Variants in KSR2 observed in about 807,000 individuals in gnomAD.
KSR2 encodes the protein kinase suppressor of ras 2.
Under a neutral mutation model 107.8 loss-of-function variants are expected in KSR2, and 25 were observed. The ratio of observed to expected loss-of-function variants is 0.23; its 90% confidence interval spans 0.17 to 0.32. The LOEUF (loss-of-function observed/expected upper bound fraction) is 0.32. KSR2 is among the 10% of genes least tolerant of loss of function. The pLI is 1.00. For synonymous variants in KSR2, 480 were observed against 507.0 expected (o/e 0.95, Z 0.71); for missense variants, 887 against 1,268.9 (o/e 0.70, Z 4.57).
At chr12:117,581,864 A>G (rs1879684011) in intron 6 of KSR2, among the ~76,000 whole-genome samples, 1 of 152,052 alleles carries the variant, frequency 6.6e-6, no homozygotes, top group African/African-American at 2.4e-5. Context: ...TCAGAATGAT[A>G]CTGTTTATTA....
chr12:117,523,839 G>A (rs1231930858), intron 14 of KSR2, among the ~76,000 whole-genome samples: 1 of 152,160 alleles, frequency 6.6e-6, no homozygotes, highest in African/African-American at 2.4e-5. Context: ...AGGCATGGTG[G>A]CACATGCCTG....
At chr12:117,473,618 C>G (rs1871609627) in intron 17 of KSR2, among the ~76,000 whole-genome samples, 1 of 152,228 alleles carries the variant, frequency 6.6e-6, no homozygotes, top group South Asian at 2.1e-4. Flanking sequence ...ATCCACCACT[C>G]ATGTGAAACG....
intron 14 of KSR2, among the ~76,000 whole-genome samples, chr12:117,492,839 C>T (rs1005368617): frequency 6.6e-5 from 10 of 152,036 alleles, no homozygotes; most frequent in African/African-American, 1.5e-4. Context: ...AACCCACCAT[C>T]GCTGACTTTG....
chr12:117,901,963 C>T (rs1383771576), intron 1 of KSR2, among the ~76,000 whole-genome samples: 1 of 152,118 alleles, frequency 6.6e-6, no homozygotes, highest in Middle Eastern at 3.2e-3. Flanking sequence ...TCTTTGGCCT[C>T]GTGATCCAAT....
chr12:117,837,177 C>T (rs1348494535), intron 3 of KSR2, among the ~76,000 whole-genome samples: 1 of 152,114 alleles, frequency 6.6e-6, no homozygotes, highest in East Asian at 1.9e-4. Context: ...CCCAGGGTCT[C>T]CCCTGGCTTC....
At chr12:117,755,492 G>A (rs911019326) in intron 4 of KSR2, among the ~76,000 whole-genome samples, 7 of 152,106 alleles carry the variant, frequency 4.6e-5, no homozygotes, top group Non-Finnish European at 8.8e-5. Flanking sequence ...GTTTTGGGGT[G>A]CCACAAACCG....
At chr12:117,556,491 A>T (rs920448846) in intron 8 of KSR2, among the ~76,000 whole-genome samples, 1 of 152,132 alleles carries the variant, frequency 6.6e-6, no homozygotes, top group Non-Finnish European at 1.5e-5. Flanking sequence ...AAGAGAAGGG[A>T]GCTGAAGACT....
chr12:117,803,974 AACAAACT>A (rs958543758), intron 3 of KSR2, among the ~76,000 whole-genome samples: 22 of 152,322 alleles, frequency 1.4e-4, no homozygotes, highest in African/African-American at 5.1e-4. Flanking sequence ...ATAAGGGGTT[AACAAACT>A]ATAGTCCATG....
At chr12:117,856,036 C>G (rs1295752969) in intron 2 of KSR2, among the ~76,000 whole-genome samples, 1 of 152,150 alleles carries the variant, frequency 6.6e-6, no homozygotes, top group Non-Finnish European at 1.5e-5. Flanking sequence ...CCCACTCTCT[C>G]TCTGCTTCCT....
At chr12:117,667,352 C>A in intron 5 of KSR2, 122 bp downstream of exon 5, 1 of 924,334 alleles carries the variant, frequency 1.1e-6, no homozygotes, top group Non-Finnish European at 1.7e-6. Flanking sequence ...CTACAGTGAG[C>A]ATTTCACAAG....
intron 3 of KSR2, 61 bp downstream of exon 3, chr12:117,855,367 G>C: frequency 6.3e-7 from 1 of 1,592,516 alleles, no homozygotes; most frequent in Non-Finnish European, 8.6e-7. Context: ...GGGATGCCGA[G>C]GGACCGCGGC....
chr12:117,618,254 A>G (rs184098629), intron 5 of KSR2, among the ~76,000 whole-genome samples: 12 of 152,216 alleles, frequency 7.9e-5, no homozygotes, highest in African/African-American at 2.9e-4. Flanking sequence ...GTCTATTTCT[A>G]GTTTACCCTT....
chr12:117,490,613 C>A (rs1187224834), intron 14 of KSR2, among the ~76,000 whole-genome samples: 1 of 152,168 alleles, frequency 6.6e-6, no homozygotes, highest in Non-Finnish European at 1.5e-5. Flanking sequence ...CCGGGCTGGT[C>A]TCAAACTCCT....
At chr12:117,789,439 C>T (rs1284624976) in intron 3 of KSR2, among the ~76,000 whole-genome samples, 1 of 152,210 alleles carries the variant, frequency 6.6e-6, no homozygotes, top group Non-Finnish European at 1.5e-5. Context: ...GCTTCCACCT[C>T]TGTTGCCTCA....
chr12:117,936,540 T>C (rs1338495159), intron 1 of KSR2, among the ~76,000 whole-genome samples: 6 of 110,210 alleles, frequency 5.4e-5, no homozygotes, highest in African/African-American at 2.3e-4. Context: ...TTATTAGTAG[T>C]AGTAGTAGTA....
intron 4 of KSR2, among the ~76,000 whole-genome samples, chr12:117,736,521 A>G (rs990417048): frequency 1.8e-4 from 28 of 152,348 alleles, no homozygotes; most frequent in African/African-American, 6.3e-4. Context: ...AATAAAGAGT[A>G]AGAACCAGCC....
intron 3 of KSR2, among the ~76,000 whole-genome samples, chr12:117,779,706 C>T (rs897618856): frequency 6.6e-6 from 1 of 152,202 alleles, no homozygotes; most frequent in African/African-American, 2.4e-5. Flanking sequence ...CCTGTCCTCT[C>T]TCTTTCCTGC....
chr12:117,847,915 C>T (rs780400764), intron 3 of KSR2, among the ~76,000 whole-genome samples: 5 of 152,148 alleles, frequency 3.3e-5, no homozygotes, highest in African/African-American at 1.2e-4. Context: ...GAACCCAACA[C>T]TGTGTGTGCC....
chr12:117,875,028 C>A (rs982574892), intron 1 of KSR2, among the ~76,000 whole-genome samples: 1 of 152,150 alleles, frequency 6.6e-6, no homozygotes, highest in African/African-American at 2.4e-5. Context: ...CACCAGGGGG[C>A]AGCCTGGCAC....
Sources: gnomAD v4.1 joint callset for allele counts (sites outside exome capture counted in the v4.1 genomes callset) on GRCh38, gnomAD v4.1.1 for gene constraint, MANE v1.5 for transcripts, NCBI Gene and HGNC (gene_info 2026-07-23, HGNC 2026-07-21) for gene names.